The following ADGRL3 variants were observed in gnomAD, a reference collection of about 807,000 sequenced individuals.
The protein encoded by ADGRL3 is calcium-independent alpha-latrotoxin receptor 3.
ADGRL3 carries 62 observed loss-of-function variants against 153.5 expected under a neutral mutation model. The observed-to-expected ratio is 0.40, with a 90% CI of 0.33 to 0.50. ADGRL3 has a LOEUF of 0.50. Among genes scored for constraint, ADGRL3 ranks in the 20% least tolerant of loss-of-function variants. ADGRL3 has a pLI of 0.47. For missense variants in ADGRL3, 1,641 were observed against 1,859.4 expected, an observed-to-expected ratio of 0.88 and a Z score of 2.16; for synonymous variants, 710 against 672.5, an observed-to-expected ratio of 1.06 and a Z score of -0.86.
intron 8 of ADGRL3, chr4:61,775,795 T>G: frequency 1.3e-6 from 1 of 766,900 alleles, no homozygotes. Flanking sequence ...CAGCACCTCC[T>G]GTAAAGCAGT....
intron 1 of ADGRL3, among the ~76,000 whole-genome samples, chr4:61,255,296 A>G (rs1474182469): frequency 1.3e-5 from 2 of 152,192 alleles, no homozygotes; most frequent in Non-Finnish European, 2.9e-5. Context: ...GATGCGCTAG[A>G]GTTTTCGAAA....
intron 5 of ADGRL3, among the ~76,000 whole-genome samples, chr4:61,601,970 T>C (rs1424248525): frequency 6.6e-6 from 1 of 152,180 alleles, no homozygotes; most frequent in Admixed American, 6.5e-5. Context: ...ATATATGTTG[T>C]TAGATCAAAA....
intron 5 of ADGRL3, among the ~76,000 whole-genome samples, chr4:61,673,729 G>A (rs553938054): frequency 6.6e-6 from 1 of 151,154 alleles, no homozygotes; most frequent in South Asian, 2.1e-4. Context: ...ATATTATAAT[G>A]TATCCTATAT....
At chr4:61,593,245 T>C (rs1461843316) in intron 5 of ADGRL3, among the ~76,000 whole-genome samples, 1 of 152,162 alleles carries the variant, frequency 6.6e-6, no homozygotes, top group African/African-American at 2.4e-5. Context: ...TTTTGATTGA[T>C]TCATCATTTA....
intron 1 of ADGRL3, among the ~76,000 whole-genome samples, chr4:61,347,708 A>C (rs1345953502): frequency 2.6e-5 from 4 of 152,160 alleles, no homozygotes; most frequent in Non-Finnish European, 5.9e-5. Flanking sequence ...TACTGTGCTC[A>C]AAATCAGAAT....
At chr4:61,332,319 C>T (rs796955321) in intron 1 of ADGRL3, among the ~76,000 whole-genome samples, 2 of 152,068 alleles carry the variant, frequency 1.3e-5, no homozygotes, top group African/African-American at 4.8e-5. Flanking sequence ...TTGATTTCTT[C>T]GATAGTTAAG....
At chr4:61,456,656 C>T (rs1003063488) in intron 2 of ADGRL3, among the ~76,000 whole-genome samples, 2 of 151,038 alleles carry the variant, frequency 1.3e-5, no homozygotes, top group Non-Finnish European at 3.0e-5. Context: ...ATATGTGGCT[C>T]GGATAAAACC....
At chr4:61,373,135 C>G (rs2096559820) in intron 1 of ADGRL3, among the ~76,000 whole-genome samples, 1 of 152,154 alleles carries the variant, frequency 6.6e-6, no homozygotes, top group African/African-American at 2.4e-5. Flanking sequence ...GTCTGGCACT[C>G]CCTAGTGAGA....
At chr4:61,422,123 T>C (rs2097214478) in intron 2 of ADGRL3, among the ~76,000 whole-genome samples, 1 of 152,212 alleles carries the variant, frequency 6.6e-6, no homozygotes, top group Admixed American at 6.5e-5. Flanking sequence ...GAGACTGCTT[T>C]GCATTTTCGT....
chr4:61,603,499 G>T (rs2099020198), intron 5 of ADGRL3, among the ~76,000 whole-genome samples: 1 of 152,082 alleles, frequency 6.6e-6, no homozygotes, highest in Admixed American at 6.6e-5. Context: ...AGGTTAAAAG[G>T]CCACAAAGTG....
intron 5 of ADGRL3, among the ~76,000 whole-genome samples, chr4:61,626,859 G>A (rs2092860746): frequency 6.6e-6 from 1 of 151,960 alleles, no homozygotes; most frequent in Non-Finnish European, 1.5e-5. Context: ...CTACTCAGAC[G>A]CTTCAGTGTA....
At position 61,948,236 on chromosome 4, in the gene ADGRL3, T is replaced by C. The variant is rs2098933459; in HGVS notation, c.2765T>C (p.Leu922Pro). 3 of 1,613,826 alleles carry C rather than the reference T, an allele frequency of 1.9e-6. No homozygotes were observed. The highest frequency in any genetic ancestry group is 2.2e-5 in the East Asian group (1 of 44,848). Residue 922 changes from leucine to proline, a missense_variant, in exon 17 of 27, where the codon CTA becomes CCA. Around this residue, in one of 5 missense-constraint regions of ADGRL3, gnomAD observed 734 missense variants for 797.0 expected, o/e 0.92. Coordinates refer to ENST00000683033, the MANE Select transcript of ADGRL3 (RefSeq NM_001387552.1). Reference sequence around the variant, plus strand: ...CATACTACATGCTCTTGTAACCACCTAACAAATTTTGCAGTACTGATGGCA... The same window carrying C: ...CATACTACATGCTCTTGTAACCACCCAACAAATTTTGCAGTACTGATGGCA... ...KTHTTCSCNHLTNFAVLMAHV... is the reference protein window; with the variant it reads ...KTHTTCSCNHPTNFAVLMAHV...
intron 19 of ADGRL3, among the ~76,000 whole-genome samples, chr4:61,993,907 A>G (rs2099112623): frequency 6.6e-6 from 1 of 152,172 alleles, no homozygotes; most frequent in African/African-American, 2.4e-5. Context: ...ACACCGTCAC[A>G]ACAAAAGGGT....
At chr4:61,555,889 A>T (rs1483883622) in intron 4 of ADGRL3, among the ~76,000 whole-genome samples, 1 of 152,194 alleles carries the variant, frequency 6.6e-6, no homozygotes, top group East Asian at 1.9e-4. Flanking sequence ...CAGTGAGGAC[A>T]ACCAGAGGTC....
At chr4:61,844,576 A>AAAAAAAAAATATATG (rs2098089494) in intron 9 of ADGRL3, among the ~76,000 whole-genome samples, 1 of 9,462 alleles carries the variant, frequency 1.1e-4, no homozygotes, top group Non-Finnish European at 2.1e-4. Context: ...AAAAAAAAAA[A>AAAAAAAAAATATATG]TATATATATA....
intron 13 of ADGRL3, among the ~76,000 whole-genome samples, chr4:61,914,333 G>T (rs552427344): frequency 3.3e-5 from 5 of 152,122 alleles, no homozygotes; most frequent in African/African-American, 1.2e-4. Context: ...CTAGGTTCAT[G>T]ACTCAGGCCC....
intron 11 of ADGRL3, among the ~76,000 whole-genome samples, chr4:61,902,630 C>G (rs1319704959): frequency 6.6e-6 from 1 of 152,048 alleles, no homozygotes; most frequent in Non-Finnish European, 1.5e-5. Flanking sequence ...GATATGGTGC[C>G]CTTTGTGCAG....
chr4:61,673,905 A>T (rs543187539), intron 5 of ADGRL3, among the ~76,000 whole-genome samples: 3 of 151,262 alleles, frequency 2.0e-5, no homozygotes, highest in African/African-American at 7.2e-5. Flanking sequence ...GATGATAATA[A>T]CTATAAATAT....
chr4:61,516,046 A>G (rs1230434580), intron 3 of ADGRL3, among the ~76,000 whole-genome samples: 1 of 152,168 alleles, frequency 6.6e-6, no homozygotes, highest in Non-Finnish European at 1.5e-5. Flanking sequence ...AAATTCAAAT[A>G]AAAATGTTTC....
Sources: allele counts gnomAD v4.1 joint callset (sites outside exome capture counted in the v4.1 genomes callset), GRCh38; gene constraint gnomAD v4.1.1; regional missense constraint gnomAD v4.1.1; transcripts MANE v1.5; gene names NCBI Gene and HGNC (gene_info 2026-07-23, HGNC 2026-07-21).